ARHGAP12: variants seen among roughly 807,000 people sequenced by gnomAD.
ARHGAP12 encodes Rho GTPase activating protein 12.
A neutral mutation model predicts 108.6 loss-of-function variants in ARHGAP12; 64 were observed. The observed-to-expected ratio is 0.59, with a 90% CI of 0.48 to 0.73. The LOEUF is 0.73. Among genes scored for constraint, ARHGAP12 ranks in the 30% least tolerant of loss-of-function variants. The pLI is 0.00. For synonymous variants in ARHGAP12, 312 were observed against 337.2 expected (o/e 0.93, Z 0.82); for missense variants, 940 against 1,005.9 (o/e 0.93, Z 0.89).
At chr10:31,832,897 G>A (rs1487145283) in intron 9 of ARHGAP12, among the ~76,000 whole-genome samples, 3 of 152,036 alleles carry the variant, frequency 2.0e-5, no homozygotes, top group Admixed American at 2.0e-4. Flanking sequence ...TTGGTATACT[G>A]GGGACTTGGG....
intron 1 of ARHGAP12, among the ~76,000 whole-genome samples, chr10:31,928,101 G>GT (rs1840128645): frequency 6.6e-6 from 1 of 152,184 alleles, no homozygotes; most frequent in African/African-American, 2.4e-5. Context: ...CCCCGGGTGG[G>GT]TGGAGGCCTG....
chr10:31,918,315 TCACACA>T (rs58245483), intron 1 of ARHGAP12, among the ~76,000 whole-genome samples: 2,164 of 140,008 alleles, frequency 0.015, 31 homozygotes, highest in East Asian at 0.076. Flanking sequence ...ATTAGGGAAA[TCACACA>T]CACACACACA....
chr10:31,839,325 G>GA lies in ARHGAP12; in HGVS notation c.1372-7dup, dbSNP rs760254853. On this transcript the variant is annotated splice_polypyrimidine_tract_variant and splice_region_variant and intron_variant, in intron 8 of 19. Transcript: ENST00000344936. ...CTTACCTTTGGACTGCTGGCCTGAG[G>GA]AAAAAAAGAGTAAAGTATAATGTCA... 2.5e-6 allele frequency: 4 copies of GA among 1,605,962 alleles called. No homozygotes were observed. Among genetic ancestry groups the GA allele is most frequent in the Non-Finnish European group, 3.4e-6 (4 of 1,176,002 alleles).
Position 31,908,320 on chromosome 10 carries a change from T to C in ARHGAP12, c.536A>G (p.His179Arg). ...ATCCAAGAACTCTGGACCGGGAAAATGACCAAATGAGCGTGTCCTATTCTG... is the reference window on the plus strand; with the variant it reads ...ATCCAAGAACTCTGGACCGGGAAAACGACCAAATGAGCGTGTCCTATTCTG... The part of the protein sequence containing the change: ...SSQNRTRSFG[H>R]FPGPEFLDVE... Residue 179 changes from histidine to arginine, a missense_variant, in exon 3 of 20, where the codon CAT becomes CGT. By Grantham distance (29) the His-to-Arg change is conservative. Coordinates refer to ENST00000344936, the MANE Select transcript of ARHGAP12 (RefSeq NM_018287.7). 6.2e-7 allele frequency: 1 copy of C among 1,614,128 alleles called. No homozygotes were observed. Among genetic ancestry groups the C allele is most frequent in the Non-Finnish European group, 8.5e-7 (1 of 1,180,026 alleles).
At chr10:31,880,788 C>T (rs975209730) in intron 3 of ARHGAP12, among the ~76,000 whole-genome samples, 27 of 151,604 alleles carry the variant, frequency 1.8e-4, no homozygotes, top group Non-Finnish European at 1.6e-4. Flanking sequence ...AAGTTCTGGC[C>T]GGGAGTGGTG....
chr10:31,874,980 A>T (rs1465190256), intron 3 of ARHGAP12, among the ~76,000 whole-genome samples: 4 of 147,394 alleles, frequency 2.7e-5, no homozygotes, highest in African/African-American at 7.4e-5. Context: ...TCTCAAAAAA[A>T]AAAAAAAAAA....
chr10:31,849,948 T>C (rs1219743402), intron 6 of ARHGAP12, among the ~76,000 whole-genome samples: 1 of 152,206 alleles, frequency 6.6e-6, no homozygotes, highest in African/African-American at 2.4e-5. Context: ...AATTGAGTTA[T>C]AAAGAAACCC....
At chr10:31,839,857 G>A (rs191697821) in intron 7 of ARHGAP12, 146 bp from the exon 8 acceptor site, 1 of 503,028 alleles carries the variant, frequency 2.0e-6, no homozygotes, top group African/African-American at 1.9e-5. Flanking sequence ...AGCTAATAAG[G>A]TAATGATTTT....
intron 4 of ARHGAP12, 32 bp from the exon 5 acceptor site, chr10:31,854,238 T>G (rs976942567): frequency 4.5e-6 from 7 of 1,558,954 alleles, no homozygotes; most frequent in Non-Finnish European, 6.1e-6. Flanking sequence ...AGGATTTTTC[T>G]TTTTTGAATA....
At chr10:31,811,495 G>A (rs931022281) in intron 15 of ARHGAP12, among the ~76,000 whole-genome samples, 1 of 150,258 alleles carries the variant, frequency 6.7e-6, no homozygotes, top group Non-Finnish European at 1.5e-5. Flanking sequence ...CAGGGAAAAG[G>A]CCTGGTGAAC....
chr10:31,898,319 A>G (rs1838787988), intron 3 of ARHGAP12, among the ~76,000 whole-genome samples: 1 of 152,252 alleles, frequency 6.6e-6, no homozygotes, highest in Non-Finnish European at 1.5e-5. Context: ...AAAGATGCTC[A>G]ACGTCATTAA....
At position 31,814,292 on chromosome 10, in the gene ARHGAP12, C is replaced by T; in HGVS notation, c.1801G>A (p.Glu601Lys). The T allele has an allele frequency of 6.2e-7, 1 of 1,614,028 alleles. No homozygotes were observed. The highest frequency in any genetic ancestry group is 1.1e-5 in the South Asian group (1 of 91,078). The part of the protein sequence containing the change: ...DSPGIEKHDK[E>K]KEQKDPKKLR... ...TTTTTGGGATCCTTTTGTTCCTTTT[C>T]TTTATCATGCTTTTCTATTCCTGGT... The change falls in exon 14 of 20, where the codon GAA (glutamate) becomes AAA (lysine). Residue 601 changes from glutamate to lysine, a missense_variant. Glu to Lys is a moderately conservative substitution (Grantham distance 56). Transcript: ENST00000344936.
intron 6 of ARHGAP12, among the ~76,000 whole-genome samples, chr10:31,851,671 A>T (rs1247840310): frequency 1.3e-5 from 2 of 152,234 alleles, no homozygotes; most frequent in Non-Finnish European, 2.9e-5. Context: ...TAAAGAAGAA[A>T]GCACTATTAA....
chr10:31,896,802 A>G (rs1456201061), intron 3 of ARHGAP12, among the ~76,000 whole-genome samples: 1 of 152,160 alleles, frequency 6.6e-6, no homozygotes, highest in Non-Finnish European at 1.5e-5. Context: ...TCTCATCCTA[A>G]CACCAAGATA....
At chr10:31,910,211 T>A (rs1049140269) in intron 2 of ARHGAP12, among the ~76,000 whole-genome samples, 11 of 152,158 alleles carry the variant, frequency 7.2e-5, no homozygotes, top group Admixed American at 3.9e-4. Flanking sequence ...CCTAGGAAAC[T>A]AATACATTCA....
chr10:31,831,982 G>GT (rs111722285), intron 9 of ARHGAP12, among the ~76,000 whole-genome samples, 182 bp from the exon 10 acceptor site: 3 of 152,094 alleles, frequency 2.0e-5, no homozygotes, highest in East Asian at 1.9e-4. Flanking sequence ...TACTTTTGTA[G>GT]TTTTTTCTTA....
intron 3 of ARHGAP12, among the ~76,000 whole-genome samples, chr10:31,893,790 C>CA (rs1179432722): frequency 3.3e-5 from 5 of 151,494 alleles, no homozygotes; most frequent in South Asian, 2.1e-4. Context: ...AGAGACACAA[C>CA]AAAAAAAAGA....
chr10:31,921,314 G>A (rs971210145), intron 1 of ARHGAP12, among the ~76,000 whole-genome samples: 2 of 152,102 alleles, frequency 1.3e-5, no homozygotes, highest in African/African-American at 4.8e-5. Flanking sequence ...AATGTGTACT[G>A]AATGAAAATG....
intron 1 of ARHGAP12, among the ~76,000 whole-genome samples, chr10:31,918,083 G>A (rs1839636294): frequency 6.6e-6 from 1 of 151,948 alleles, no homozygotes; most frequent in Non-Finnish European, 1.5e-5. Context: ...AGCCTCCTGA[G>A]TAGCTAGGAC....
Sources: gnomAD v4.1 joint callset for allele counts (sites outside exome capture counted in the v4.1 genomes callset) on GRCh38, gnomAD v4.1.1 for gene constraint, MANE v1.5 for transcripts, NCBI Gene and HGNC (gene_info 2026-07-23, HGNC 2026-07-21) for gene names.